Variants in FGD2 observed in about 807,000 individuals in gnomAD.
The protein encoded by FGD2 is FYVE, RhoGEF and PH domain-containing protein 2.
Under a neutral mutation model 75.9 loss-of-function variants are expected in FGD2, and 52 were observed. The observed-to-expected ratio is 0.69, with a 90% CI of 0.55 to 0.86. The LOEUF is 0.86. Ranked by LOEUF, FGD2 falls within the 40% of genes least tolerant of loss-of-function variation. The pLI is 0.00. For missense variants in FGD2, 790 were observed against 872.0 expected (o/e 0.91, Z 1.18); for synonymous variants, 347 against 348.6 (o/e 1.00, Z 0.05).
At chr6:37,021,773 G>C in intron 12 of FGD2, 169 bp downstream of exon 12, 1 of 625,954 alleles carries the variant, frequency 1.6e-6, no homozygotes, top group Non-Finnish European at 2.7e-6. Context: ...CAGGGCCTGA[G>C]CATTCCCCTT....
rs528330024 is a variant in FGD2 at position 37,027,601 on chromosome 6, C to T, written c.1752+26C>T. 5.9e-5 allele frequency: 95 copies of T among 1,612,886 alleles called. No individual in the cohort carries two copies. The East Asian group carries it at 1.2e-3, about 20-fold the overall frequency. ...GTAAGGCCACCACCTGCCCGCCCCC[C>T]GTCAGGCCCTGGCCTTCCCACAGCG... On this transcript the variant is annotated intron_variant, in intron 15 of 15. Coordinates refer to ENST00000274963, the MANE Select transcript of FGD2 (RefSeq NM_173558.4).
At chr6:37,025,624 T>G in intron 13 of FGD2, 168 bp from the exon 14 acceptor site, 1 of 687,810 alleles carries the variant, frequency 1.5e-6, no homozygotes, top group Non-Finnish European at 2.4e-6. Context: ...CAGTTGGGCC[T>G]CACCAGCATG....
At chr6:37,020,668 G>T in intron 10 of FGD2, 41 bp from the exon 11 acceptor site, 1 of 1,580,060 alleles carries the variant, frequency 6.3e-7, no homozygotes, top group Non-Finnish European at 8.6e-7. Flanking sequence ...AAAACTGGGA[G>T]GGGCTGATCT....
chr6:37,018,869 T>C (rs1765433092), intron 9 of FGD2, among the ~76,000 whole-genome samples: 1 of 152,214 alleles, frequency 6.6e-6, no homozygotes, highest in African/African-American at 2.4e-5. Context: ...TTCTAATTAC[T>C]ACAAACGTAC....
intron 1 of FGD2, among the ~76,000 whole-genome samples, chr6:37,008,074 A>C (rs933453092): frequency 1.3e-5 from 2 of 152,212 alleles, no homozygotes; most frequent in Non-Finnish European, 2.9e-5. Flanking sequence ...CCTTGAGTGC[A>C]AAATATGGGT....
intron 11 of FGD2, 55 bp downstream of exon 11, chr6:37,020,794 T>C: frequency 6.5e-7 from 1 of 1,548,836 alleles, no homozygotes; most frequent in East Asian, 2.4e-5. Context: ...TCTTTTTTCT[T>C]TTTTTCTTTC....
Position 37,028,070 on chromosome 6 carries a change from G to A in FGD2, c.1875G>A (p.Thr625=), listed in dbSNP as rs111397105. 2.5e-5 allele frequency: 40 copies of A among 1,613,826 alleles called. No homozygotes were observed. The African/African-American group carries it at 2.7e-4, about 11-fold the overall frequency. The part of the protein sequence containing the change: ...SGQLYTFKAE[T]EELKGRWVKA... Reference sequence around the variant, plus strand: ...AGCTCTACACCTTCAAGGCCGAGACGGAGGAGCTGAAGGGCCGCTGGGTGA... The same window carrying A: ...AGCTCTACACCTTCAAGGCCGAGACAGAGGAGCTGAAGGGCCGCTGGGTGA... The change falls in exon 16 of 16, where the codon ACG becomes ACA. Residue 625 remains threonine, a synonymous_variant. Coordinates refer to ENST00000274963, the MANE Select transcript of FGD2 (RefSeq NM_173558.4).
At chr6:37,015,657 G>T (rs1765248161) in intron 8 of FGD2, 111 bp from the exon 9 acceptor site, 16 of 934,274 alleles carry the variant, frequency 1.7e-5, no homozygotes, top group Non-Finnish European at 2.5e-5. Flanking sequence ...GTGTTCAAAG[G>T]GGAGCGGGTC....
chr6:37,005,706 A>G lies in FGD2; in HGVS notation c.-112A>G, dbSNP rs1443289920. ...GAGCCCTCAAGAAAGATCAGAACAG[A>G]TTCATGGGTGATTTAGCCTATCTGT... is the stretch of plus-strand genomic sequence containing the variant. On this transcript the variant is annotated 5_prime_UTR_variant, in exon 1 of 16. Transcript: ENST00000274963. The G allele has an allele frequency of 8.7e-7, 1 of 1,155,056 alleles. No individual in the cohort carries two copies. Among genetic ancestry groups the G allele is most frequent in the African/African-American group, 1.5e-5 (1 of 66,164 alleles). The allele number at this position is 1,155,056 out of a possible 1,614,324, so 71.6% of individuals were successfully genotyped here.
chr6:37,012,981 T>TATACATATATATAC (rs1765086460), intron 4 of FGD2: 1 of 150,392 alleles, frequency 6.6e-6, no homozygotes, highest in Non-Finnish European at 1.5e-5. Flanking sequence ...TGTGTGTGTG[T>TATACATATATATAC]GTGTGTATAC....
At chr6:37,013,911 C>T (rs1765149176) in intron 5 of FGD2, 51 bp from the exon 6 acceptor site, 1 of 1,597,298 alleles carries the variant, frequency 6.3e-7, no homozygotes, top group Non-Finnish European at 8.5e-7. Flanking sequence ...GCAGCCTGAC[C>T]CACCTCCCTT....
intron 1 of FGD2, among the ~76,000 whole-genome samples, chr6:37,006,925 G>A (rs1012427272): frequency 2.6e-5 from 4 of 152,110 alleles, no homozygotes; most frequent in Non-Finnish European, 5.9e-5. Flanking sequence ...GAAGAGGGCT[G>A]GGTATTTGTA....
At chr6:37,009,302 A>G (rs1764900743) in intron 2 of FGD2, 2 of 474,786 alleles carry the variant, frequency 4.2e-6, no homozygotes, top group Non-Finnish European at 7.5e-6. Context: ...TTTTTTGGAC[A>G]AGGAAGTTGA....
In FGD2 at chr6:37,013,981, G is replaced by C; in HGVS notation, c.704G>C (p.Ser235Thr). The change falls in exon 6 of 16, where the codon AGC becomes ACC. Residue 235 changes from serine to threonine, a missense_variant. Transcript: ENST00000274963. Reference protein sequence around the residue: ...TRIQSSEASGSLTLQHHMLEP... With the variant: ...TRIQSSEASGTLTLQHHMLEP... ...CCCAAGAGCAGCGAGGCTTCGGGCA[G>C]CCTGACCCTGCAGCACCACATGCTG... 6.2e-7 allele frequency: 1 copy of C among 1,613,892 alleles called. No homozygotes were observed. The highest frequency in any genetic ancestry group is 8.5e-7 in the Non-Finnish European group (1 of 1,179,876).
rs1765131704 is a variant in FGD2, at chr6:37,013,660, G to A, written c.579G>A (p.Leu193=). 1.2e-6 allele frequency: 2 copies of A among 1,614,090 alleles called. No individual in the cohort carries two copies. The highest frequency in any genetic ancestry group is 1.7e-4 in the Middle Eastern group (1 of 6,058). The change falls in exon 5 of 16, where the codon CTG becomes CTA. Residue 193 remains leucine (L), a synonymous_variant. Coordinates refer to ENST00000274963, the MANE Select transcript of FGD2 (RefSeq NM_173558.4). ...GDVIQKLAPF[L]KMYSEYVKNF... The stretch of plus-strand genomic sequence containing the variant: ...TGATCCAGAAGCTGGCCCCCTTCCT[G>A]AAGATGTACAGTGAGTATGTCAAGA...
chr6:37,025,517 G>A (rs1393750989), intron 13 of FGD2: 6 of 473,906 alleles, frequency 1.3e-5, no homozygotes, highest in African/African-American at 9.7e-5. Context: ...GAACCTGGAG[G>A]GGAGAGAAGT....
intron 13 of FGD2, 180 bp downstream of exon 13, chr6:37,022,550 C>T (rs1765642175): frequency 2.5e-6 from 2 of 806,218 alleles, no homozygotes; most frequent in Non-Finnish European, 3.6e-6. Context: ...CCACCTGTGT[C>T]ACCCAGGCCT....
chr6:37,006,038 A>G (rs951262525), intron 1 of FGD2, among the ~76,000 whole-genome samples, 153 bp downstream of exon 1: 45 of 152,164 alleles, frequency 3.0e-4, no homozygotes, highest in African/African-American at 1.1e-3. Context: ...AGCATGGGAG[A>G]GTGTCGGTGG....
At position 37,025,839 on chromosome 6, in the gene FGD2, C is replaced by T. The variant is rs79120653; in HGVS notation, c.1506C>T (p.Asp502=). 2.1e-3 allele frequency: 3,444 copies of T among 1,614,178 alleles called. 80 individuals are homozygous for T. The Admixed American group carries it at 0.039, about 18-fold the overall frequency. The change falls in exon 14 of 16, where the codon GAC becomes GAT. Residue 502 remains aspartate (D), a synonymous_variant. Transcript: ENST00000274963. ...CSDYRAELKY[D]DNRPNRVCLH... ...ACTACCGGGCCGAACTGAAATACGACGACAACAGGCCCAACCGAGTCTGCC... is the reference window on the plus strand; with the variant it reads ...ACTACCGGGCCGAACTGAAATACGATGACAACAGGCCCAACCGAGTCTGCC...
Sources: gnomAD v4.1 joint callset for allele counts (sites outside exome capture counted in the v4.1 genomes callset) on GRCh38, gnomAD v4.1.1 for gene constraint, MANE v1.5 for transcripts, NCBI Gene and HGNC (gene_info 2026-07-23, HGNC 2026-07-21) for gene names.